The following GPC5 variants were observed in gnomAD, a reference collection of about 807,000 sequenced individuals.
The protein encoded by GPC5 is glypican 5, also known as glypican-5.
GPC5 carries 47 observed loss-of-function variants against 53.9 expected under a neutral mutation model. The observed-to-expected ratio is 0.87, with a 90% CI of 0.69 to 1.11. The LOEUF is 1.11. Among genes scored for constraint, GPC5 ranks in the 50% most tolerant of loss-of-function variants. The pLI, the probability that GPC5 is intolerant of heterozygous loss-of-function variation, is 0.00. For missense variants in GPC5, 748 were observed against 713.1 expected (o/e 1.05, Z -0.56); for synonymous variants, 286 against 263.3 (o/e 1.09, Z -0.84).
intron 7 of GPC5, among the ~76,000 whole-genome samples, chr13:92,703,052 A>ATTTATTTATTTATT (rs1887809099): frequency 1.1e-4 from 16 of 145,806 alleles, no homozygotes; most frequent in African/African-American, 3.8e-4. Context: ...GCATATATAT[A>ATTTATTTATTTATT]TATTTATTTA....
chr13:92,623,293 T>G (rs532554143), intron 7 of GPC5, among the ~76,000 whole-genome samples: 1 of 152,166 alleles, frequency 6.6e-6, no homozygotes, highest in Non-Finnish European at 1.5e-5. Context: ...GCTCATCTGC[T>G]CCATGTGAGA....
Position 91,667,852 on chromosome 13 carries a change from A to G in GPC5, c.326-25335A>G, listed in dbSNP as rs77656399. Among the ~76,000 whole-genome samples, 513 of 152,198 alleles carry G rather than the reference A, an allele frequency of 3.4e-3. 3 individuals carry two copies. The highest frequency in any genetic ancestry group is 0.01 in the South Asian group (49 of 4,812). Reference sequence around the variant, plus strand: ...GAATTCATTGCCATGATGCCTAGAGAACTAGGCAATCTCATCTCCTCCAGT... The same window carrying G: ...GAATTCATTGCCATGATGCCTAGAGGACTAGGCAATCTCATCTCCTCCAGT... On this transcript the variant is annotated intron_variant, in intron 2 of 7. Coordinates refer to ENST00000377067, the MANE Select transcript of GPC5 (RefSeq NM_004466.6).
chr13:92,774,268 A>G (rs1875716938), intron 7 of GPC5, among the ~76,000 whole-genome samples: 4 of 152,222 alleles, frequency 2.6e-5, no homozygotes, highest in Admixed American at 2.6e-4. Flanking sequence ...CTGTAGGTCT[A>G]TAACAATGAC....
intron 7 of GPC5, among the ~76,000 whole-genome samples, chr13:92,727,831 T>C (rs1045392914): frequency 6.6e-6 from 1 of 151,364 alleles, no homozygotes; most frequent in Non-Finnish European, 1.5e-5. Context: ...TCCTTTATTC[T>C]GTCATTACTC....
intron 7 of GPC5, among the ~76,000 whole-genome samples, chr13:92,409,501 T>G (rs1225426174): frequency 2.0e-5 from 3 of 152,056 alleles, no homozygotes; most frequent in Non-Finnish European, 4.4e-5. Context: ...AACTAATGTA[T>G]CATTTTAATC....
intron 6 of GPC5, among the ~76,000 whole-genome samples, chr13:92,090,702 A>G (rs2041373255): frequency 6.6e-6 from 1 of 152,202 alleles, no homozygotes; most frequent in Admixed American, 6.5e-5. Flanking sequence ...CTACTTTTAA[A>G]GTCTACGACA....
intron 2 of GPC5, among the ~76,000 whole-genome samples, chr13:91,547,009 A>G (rs2030334086): frequency 6.6e-6 from 1 of 152,032 alleles, no homozygotes; most frequent in Non-Finnish European, 1.5e-5. Context: ...TAAGTTCTGG[A>G]TGTGTGGAGT....
At chr13:92,422,694 CCT>C (rs1403136390) in intron 7 of GPC5, among the ~76,000 whole-genome samples, 2 of 152,066 alleles carry the variant, frequency 1.3e-5, no homozygotes, top group East Asian at 3.9e-4. Context: ...TTCAGTGAAC[CCT>C]CCAGAAAAGT....
At chr13:91,671,568 G>A (rs1299072090) in intron 2 of GPC5, among the ~76,000 whole-genome samples, 1 of 151,824 alleles carries the variant, frequency 6.6e-6, no homozygotes, top group African/African-American at 2.4e-5. Flanking sequence ...ACTGCTCAAG[G>A]AAATAAGAGG....
In GPC5 at chr13:91,522,243, A is replaced by G. The variant is rs919405177; in HGVS notation, c.325+73321A>G. Among the ~76,000 whole-genome samples the G allele has an allele frequency of 2.0e-5, 3 of 152,190 alleles. No homozygotes were observed. In the East Asian group the frequency reaches 5.8e-4, roughly 29 times the overall value. ...CTCCACAGGTTGCGGGTGGGGCTGC[A>G]AGTCTCAACTCTCTAAACGTGCCTT... On this transcript the variant is annotated intron_variant, in intron 2 of 7. Coordinates refer to ENST00000377067, the MANE Select transcript of GPC5 (RefSeq NM_004466.6).
At chr13:91,951,842 C>T (rs985051860) in intron 6 of GPC5, among the ~76,000 whole-genome samples, 1 of 152,098 alleles carries the variant, frequency 6.6e-6, no homozygotes, top group African/African-American at 2.4e-5. Flanking sequence ...AGCCATGTCT[C>T]ATCAAATCAA....
At chr13:92,209,615 C>T (rs1172863401) in intron 7 of GPC5, among the ~76,000 whole-genome samples, 1 of 151,982 alleles carries the variant, frequency 6.6e-6, no homozygotes, top group Admixed American at 6.6e-5. Context: ...TTAATGCTCC[C>T]AACAACCTTG....
intron 6 of GPC5, among the ~76,000 whole-genome samples, chr13:92,014,831 T>A (rs1305627272): frequency 6.6e-6 from 1 of 152,190 alleles, no homozygotes; most frequent in Non-Finnish European, 1.5e-5. Context: ...CTCAGATCTA[T>A]GCATTAGAAA....
At chr13:92,424,665 G>A (rs72640215) in intron 7 of GPC5, among the ~76,000 whole-genome samples, 68 of 149,578 alleles carry the variant, frequency 4.5e-4, no homozygotes, top group Admixed American at 2.4e-3. Context: ...TTTTTAATTC[G>A]TGGGTCTCTC....
At chr13:91,796,505 G>A (rs1350893614) in intron 5 of GPC5, among the ~76,000 whole-genome samples, 4 of 152,210 alleles carry the variant, frequency 2.6e-5, no homozygotes, top group African/African-American at 7.2e-5. Flanking sequence ...AGGGGTTGTT[G>A]CCACTGCTGG....
chr13:92,385,365 TATATATAC>T (rs1457917598), intron 7 of GPC5, among the ~76,000 whole-genome samples: 3 of 46,784 alleles, frequency 6.4e-5, no homozygotes, highest in Non-Finnish European at 1.1e-4. Flanking sequence ...CATATATACA[TATATATAC>T]ATATATACAT....
At chr13:92,782,259 A>G (rs1353671465) in intron 7 of GPC5, among the ~76,000 whole-genome samples, 2 of 152,176 alleles carry the variant, frequency 1.3e-5, no homozygotes, top group African/African-American at 4.8e-5. Flanking sequence ...AAGCCTTACC[A>G]AATCTCCTTC....
intron 2 of GPC5, among the ~76,000 whole-genome samples, chr13:91,601,476 T>C (rs1209444964): frequency 2.0e-5 from 3 of 152,144 alleles, no homozygotes; most frequent in Non-Finnish European, 1.5e-5. Context: ...TACCAGTCCG[T>C]GGCCTGTTAG....
chr13:91,628,683 TTC>T (rs1193942197), intron 2 of GPC5, among the ~76,000 whole-genome samples: 25 of 152,196 alleles, frequency 1.6e-4, no homozygotes, highest in African/African-American at 5.5e-4. Flanking sequence ...GCAGCTGAAT[TTC>T]TCTGTCTCAG....
Sources: allele counts gnomAD v4.1 joint callset (sites outside exome capture counted in the v4.1 genomes callset), GRCh38; gene constraint gnomAD v4.1.1; transcripts MANE v1.5; gene names NCBI Gene and HGNC (gene_info 2026-07-23, HGNC 2026-07-21).